Variants in NGEF observed in about 807,000 individuals in gnomAD.
The protein encoded by NGEF is neuronal guanine nucleotide exchange factor, also known as ephexin-1.
In NGEF, 31 loss-of-function variants were observed where a neutral mutation model predicts 80.9. The ratio of observed to expected loss-of-function variants is 0.38; its 90% CI spans 0.29 to 0.52. The LOEUF (loss-of-function observed/expected upper bound fraction) is 0.52, where lower values mean the gene tolerates loss of function less well. NGEF is among the 20% of genes least tolerant of loss of function. The pLI, the probability that NGEF is intolerant of heterozygous loss-of-function variation, is 0.84. For synonymous variants in NGEF, 371 were observed against 370.2 expected (o/e 1.00, Z -0.03); for missense variants, 709 against 926.2 (o/e 0.77, Z 3.04).
chr2:232,910,046 T>C (rs1288600235), intron 5 of NGEF, among the ~76,000 whole-genome samples: 1 of 152,164 alleles, frequency 6.6e-6, no homozygotes, highest in Non-Finnish European at 1.5e-5. Context: ...TCTTTGGTGA[T>C]TCCCAACCAG....
rs528525491 is a variant in NGEF, at chr2:232,979,919, G to C, written c.-74-4955C>G. Among the ~76,000 whole-genome samples, 7 of 151,196 alleles carry C rather than the reference G, an allele frequency of 4.6e-5. No homozygotes were observed. The South Asian group carries it at 8.4e-4, about 18-fold the overall frequency. On this transcript the variant is annotated intron_variant, in intron 1 of 14. Coordinates refer to ENST00000264051, the MANE Select transcript of NGEF (RefSeq NM_019850.3). ...ACCTTAGCCAAGCCTCGCAACTTCC[G>C]CATGAGTCAATGTGATAATTACTCC...
chr2:232,933,350 C>T (rs745964853), intron 3 of NGEF, among the ~76,000 whole-genome samples: 20 of 152,068 alleles, frequency 1.3e-4, no homozygotes, highest in Non-Finnish European at 2.5e-4. Context: ...CAGCAGCAAA[C>T]CAGGAGCCAA....
intron 3 of NGEF, among the ~76,000 whole-genome samples, chr2:232,948,637 G>T (rs1430338699): frequency 6.6e-6 from 1 of 152,138 alleles, no homozygotes; most frequent in African/African-American, 2.4e-5. Flanking sequence ...TTTTCTGCAT[G>T]TTTAAAATTT....
chr2:232,917,934 C>T (rs577063171), intron 5 of NGEF, among the ~76,000 whole-genome samples: 5 of 152,038 alleles, frequency 3.3e-5, no homozygotes, highest in Admixed American at 6.5e-5. Context: ...ACACTATACC[C>T]GGCTAATTAA....
At chr2:232,959,159 C>G (rs1468656117) in intron 3 of NGEF, among the ~76,000 whole-genome samples, 2 of 152,132 alleles carry the variant, frequency 1.3e-5, no homozygotes, top group Non-Finnish European at 2.9e-5. Context: ...TTAATTGCTT[C>G]CTTTCTTTCT....
chr2:232,953,463 T>TA (rs779074700), intron 3 of NGEF, among the ~76,000 whole-genome samples: 2,627 of 131,824 alleles, frequency 0.02, 43 homozygotes, highest in Non-Finnish European at 0.032. Context: ...GCTCAAAAAA[T>TA]AAAAAAAAAA....
chr2:232,879,240 T>G lies in NGEF; in HGVS notation c.*249A>C. The G allele has an allele frequency of 2.2e-6, 1 of 456,630 alleles. No individual in the cohort carries two copies. The highest frequency in any genetic ancestry group is 4.0e-6 in the Non-Finnish European group (1 of 252,946). 28.3% of individuals were successfully genotyped at this position (456,630 alleles called of 1,614,324 possible). On this transcript the variant is annotated 3_prime_UTR_variant, in exon 15 of 15. Transcript: ENST00000264051. ...CCCCTCGGAGGCATGAGGGAGGTGG[T>G]GTAATACTGCTGAAACCTTCTTGTT...
intron 1 of NGEF, among the ~76,000 whole-genome samples, chr2:233,012,374 G>A (rs773836707): frequency 3.9e-5 from 6 of 152,306 alleles, no homozygotes; most frequent in Middle Eastern, 3.4e-3. Context: ...CAGTCACACC[G>A]TGCTGTGGCT....
intron 5 of NGEF, among the ~76,000 whole-genome samples, chr2:232,906,945 G>T (rs1399714725): frequency 6.6e-6 from 1 of 150,602 alleles, no homozygotes; most frequent in Non-Finnish European, 1.5e-5. Flanking sequence ...ATTAAGGGCG[G>T]TGCAAGATGT....
chr2:232,902,873 A>G (rs1226480623), intron 5 of NGEF, among the ~76,000 whole-genome samples: 1 of 152,202 alleles, frequency 6.6e-6, no homozygotes, highest in African/African-American at 2.4e-5. Context: ...CGGTGTCTGT[A>G]ATCCCAGCTA....
chr2:232,930,286 CAA>C (rs1242904483), intron 3 of NGEF, among the ~76,000 whole-genome samples: 1 of 149,860 alleles, frequency 6.7e-6, no homozygotes, highest in African/African-American at 2.5e-5. Context: ...CCATATGATG[CAA>C]AGAGAGAGAG....
chr2:232,887,043 G>C (rs1024540077), intron 9 of NGEF, among the ~76,000 whole-genome samples: 2 of 152,246 alleles, frequency 1.3e-5, no homozygotes, highest in African/African-American at 4.8e-5. Context: ...GACTGCAATA[G>C]GGTAGGAAGT....
intron 14 of NGEF, among the ~76,000 whole-genome samples, chr2:232,880,541 G>T (rs1174428973): frequency 6.6e-6 from 1 of 152,258 alleles, no homozygotes; most frequent in Non-Finnish European, 1.5e-5. Flanking sequence ...GAGGAAGCAG[G>T]GAAGATGCAG....
intron 1 of NGEF, among the ~76,000 whole-genome samples, chr2:232,989,887 CAAAGTT>C (rs1282356433): frequency 1.3e-5 from 2 of 152,018 alleles, no homozygotes; most frequent in African/African-American, 4.8e-5. Flanking sequence ...GGTCAGTTGA[CAAAGTT>C]AAATACCAAT....
At chr2:232,893,148 C>T in intron 6 of NGEF, 98 bp from the exon 7 acceptor site, 31 of 1,272,556 alleles carry the variant, frequency 2.4e-5, no homozygotes, top group Non-Finnish European at 3.2e-5. Context: ...GGACATTGGA[C>T]ATAGCAGTGT....
intron 1 of NGEF, among the ~76,000 whole-genome samples, chr2:233,010,976 G>T (rs1201753233): frequency 6.6e-6 from 1 of 152,134 alleles, no homozygotes; most frequent in Non-Finnish European, 1.5e-5. Context: ...GCTTAGGTGC[G>T]GGGAGAAGGG....
At position 232,906,358 on chromosome 2, in the gene NGEF, C is replaced by T. The variant is rs1352471432; in HGVS notation, c.829-11442G>A. Among the ~76,000 whole-genome samples the T allele has an allele frequency of 2.7e-3, 347 of 129,154 alleles. 16 individuals are homozygous for T. Among genetic ancestry groups the T allele is most frequent in the African/African-American group, 0.011 (336 of 29,808 alleles). 84.7% of individuals were successfully genotyped at this position (129,154 alleles called of 152,430 possible). On this transcript the variant is annotated intron_variant, in intron 5 of 14. Coordinates refer to ENST00000264051, the MANE Select transcript of NGEF (RefSeq NM_019850.3). The stretch of plus-strand genomic sequence containing the variant: ...TGGGAGGGAGGTGGGGGGGGTCAGC[C>T]CCCCGCCCGGCCAGCCGCCCCGTCC...
chr2:232,956,095 C>T (rs923541592), intron 3 of NGEF, among the ~76,000 whole-genome samples: 3 of 152,096 alleles, frequency 2.0e-5, no homozygotes, highest in African/African-American at 4.8e-5. Flanking sequence ...TTTCAGACGC[C>T]GCTCCTTTCC....
At chr2:232,949,910 C>T (rs1339983463) in intron 3 of NGEF, among the ~76,000 whole-genome samples, 1 of 151,904 alleles carries the variant, frequency 6.6e-6, no homozygotes, top group Admixed American at 6.6e-5. Flanking sequence ...CTCCTGGGTT[C>T]AAGTGATTCT....
Sources: allele counts gnomAD v4.1 joint callset (sites outside exome capture counted in the v4.1 genomes callset), GRCh38; gene constraint gnomAD v4.1.1; transcripts MANE v1.5; gene names NCBI Gene and HGNC (gene_info 2026-07-23, HGNC 2026-07-21).